The following MACF1 variants were observed in gnomAD, a reference collection of about 807,000 sequenced individuals.
MACF1 encodes the protein microtubule actin crosslinking factor 1, also known as microtubule-actin cross-linking factor 1.
In MACF1, 193 loss-of-function variants were observed where a neutral mutation model predicts 854.8. The observed-to-expected ratio is 0.23, with a 90% CI of 0.20 to 0.25. The LOEUF is 0.25. Ranked by LOEUF, MACF1 falls within the 10% of genes least tolerant of loss-of-function variation. MACF1 has a pLI of 1.00. For missense variants in MACF1, 7,722 were observed against 8,929.1 expected, an observed-to-expected ratio of 0.86 and a Z score of 5.45; for synonymous variants, 3,185 against 3,226.7, an observed-to-expected ratio of 0.99 and a Z score of 0.44.
At chr1:39,261,309 A>G (rs536400778) in intron 6 of MACF1, among the ~76,000 whole-genome samples, 1 of 152,316 alleles carries the variant, frequency 6.6e-6, no homozygotes, top group Admixed American at 6.5e-5. Flanking sequence ...AGGAAAATGC[A>G]TTCATAAAAA....
intron 2 of MACF1, among the ~76,000 whole-genome samples, chr1:39,247,313 C>T (rs907288370): frequency 5.9e-5 from 9 of 151,844 alleles, no homozygotes; most frequent in African/African-American, 9.7e-5. Context: ...CCTCGTGATC[C>T]GCCCGTCTCG....
intron 1 of MACF1, chr1:39,206,812 AT>A (rs1183051070): frequency 6.6e-6 from 1 of 152,180 alleles, no homozygotes; most frequent in Admixed American, 6.5e-5. Flanking sequence ...TTTAAGATGC[AT>A]TTCATTTATT....
chr1:39,451,234 A>G (rs1025260559), intron 85 of MACF1, 23 bp downstream of exon 85: 9 of 1,607,564 alleles, frequency 5.6e-6, no homozygotes, highest in Non-Finnish European at 6.8e-6. Flanking sequence ...TCTGGGCTAC[A>G]TTGGAGTGCA....
intron 2 of MACF1, among the ~76,000 whole-genome samples, chr1:39,166,566 C>T (rs1330817008): frequency 6.6e-6 from 1 of 152,018 alleles, no homozygotes; most frequent in East Asian, 1.9e-4. Flanking sequence ...AAGCGATTCT[C>T]CTGCCTCAGC....
At position 39,349,638 on chromosome 1, in the gene MACF1, A is replaced by C. The variant is rs753285228; in HGVS notation, c.10965+11A>C. 26 of 1,612,712 alleles carry C rather than the reference A, an allele frequency of 1.6e-5. No homozygotes were observed. The Admixed American group carries it at 3.9e-4, about 24-fold the overall frequency. ...CAAAGTGACTTGAAGGTCAGTGTGA[A>C]TCTGTCAATTTTGACACAAAGTCTC... On this transcript the variant is annotated intron_variant, in intron 42 of 100. Transcript: ENST00000564288.
intron 58 of MACF1, chr1:39,410,916 G>A (rs1408156392): frequency 6.2e-7 from 1 of 1,613,896 alleles, no homozygotes; most frequent in Non-Finnish European, 8.5e-7. Context: ...GAGACTGCCA[G>A]GACTTTAGAT....
intron 23 of MACF1, among the ~76,000 whole-genome samples, chr1:39,305,776 C>T (rs1238511101): frequency 1.3e-5 from 2 of 152,166 alleles, no homozygotes; most frequent in Non-Finnish European, 2.9e-5. Context: ...TCCTCTGTTT[C>T]TCACACACAG....
intron 2 of MACF1, among the ~76,000 whole-genome samples, chr1:39,191,861 G>C (rs1644258732): frequency 6.6e-6 from 1 of 152,146 alleles, no homozygotes; most frequent in Admixed American, 6.6e-5. Context: ...TTTAGGATGG[G>C]ACATGTGTTC....
intron 44 of MACF1, among the ~76,000 whole-genome samples, chr1:39,356,529 T>A (rs1396563637): frequency 6.6e-6 from 1 of 152,136 alleles, no homozygotes; most frequent in East Asian, 1.9e-4. Context: ...CTTGCCACCA[T>A]GCCCAGCTAA....
intron 2 of MACF1, among the ~76,000 whole-genome samples, chr1:39,097,099 A>G (rs1452447833): frequency 6.7e-6 from 1 of 150,140 alleles, no homozygotes; most frequent in Non-Finnish European, 1.5e-5. Flanking sequence ...CTGGTCTTGA[A>G]CTCCTGACCT....
At chr1:39,232,822 G>T (rs1231031891) in intron 2 of MACF1, among the ~76,000 whole-genome samples, 2 of 141,476 alleles carry the variant, frequency 1.4e-5, no homozygotes, top group East Asian at 4.2e-4. Flanking sequence ...TTACCCTGTT[G>T]CCCAGGCTGG....
intron 6 of MACF1, among the ~76,000 whole-genome samples, chr1:39,271,866 C>A (rs976383281): frequency 1.3e-4 from 20 of 152,322 alleles, no homozygotes; most frequent in African/African-American, 4.6e-4. Flanking sequence ...GAATGTTCTG[C>A]ATGAGTCTGT....
At chr1:39,096,706 G>A (rs1343129785) in intron 2 of MACF1, among the ~76,000 whole-genome samples, 1 of 151,592 alleles carries the variant, frequency 6.6e-6, no homozygotes. Flanking sequence ...TGGCACAATT[G>A]TAGCTCACTG....
chr1:39,438,059 C>T lies in MACF1; in HGVS notation c.18220+51C>T, dbSNP rs4660747. 9 of 1,510,680 alleles carry T rather than the reference C, an allele frequency of 6.0e-6. No individual in the cohort carries two copies. The East Asian group carries it at 1.9e-4, about 31-fold the overall frequency. The allele number at this position is 1,510,680 out of a possible 1,614,324, so 93.6% of individuals were successfully genotyped here. A position where few individuals can be genotyped will look rare whatever the true frequency, so the allele number is the denominator to read the frequency against. On this transcript the variant is annotated intron_variant, in intron 71 of 100. Coordinates refer to ENST00000564288, the MANE Select transcript of MACF1 (RefSeq NM_001394062.1). ...AAAAATCAACAGAATAAATTCTAGG[C>T]TGTGGTTATCTTCAGCATCCCACCA...
intron 2 of MACF1, among the ~76,000 whole-genome samples, chr1:39,168,374 G>A (rs971073683): frequency 1.3e-5 from 2 of 152,100 alleles, no homozygotes; most frequent in Non-Finnish European, 2.9e-5. Context: ...TGCTTTGTTG[G>A]GTCTTTTTCT....
At chr1:39,145,499 C>A (rs958745086) in intron 2 of MACF1, among the ~76,000 whole-genome samples, 1 of 150,976 alleles carries the variant, frequency 6.6e-6, no homozygotes. Context: ...CTTATCTCTT[C>A]TTCAGACTAA....
rs759921119 is a variant in MACF1 at position 39,353,017 on chromosome 1, C to G, written c.11210C>G (p.Ala3737Gly). The change falls in exon 44 of 101, where the codon GCA becomes GGA. Residue 3737 changes from alanine to glycine, a missense_variant. Ala to Gly is a moderately conservative substitution (Grantham distance 60). This residue lies in a region of MACF1 where 2,807 missense variants were observed against 3,235.8 expected (regional missense o/e 0.87). Transcript: ENST00000564288. ...CTCGGTGGCTTTCAGAGTAAAGCAG[C>G]AAAGGAACTGGCAGAGAACAAGAAG... is the stretch of plus-strand genomic sequence containing the variant. ...LQQETEKSKA[A>G]KELAENKKKI... is the part of the protein sequence containing the mutation. 2.5e-6 allele frequency: 4 copies of G among 1,612,928 alleles called. No homozygotes were observed. The East Asian group carries it at 6.7e-5, about 27-fold the overall frequency.
chr1:39,118,767 G>A (rs961935490), intron 2 of MACF1, among the ~76,000 whole-genome samples: 1 of 152,052 alleles, frequency 6.6e-6, no homozygotes, highest in Admixed American at 6.5e-5. Flanking sequence ...GCAGTATTAA[G>A]GGGGCTAATA....
At chr1:39,122,689 C>T (rs1642747370) in intron 2 of MACF1, among the ~76,000 whole-genome samples, 1 of 152,184 alleles carries the variant, frequency 6.6e-6, no homozygotes, top group African/African-American at 2.4e-5. Context: ...ACCTGTGTTG[C>T]TCAGAGACCT....
Sources: gnomAD v4.1 joint callset for allele counts (sites outside exome capture counted in the v4.1 genomes callset) on GRCh38, gnomAD v4.1.1 for gene constraint, gnomAD v4.1.1 regional missense constraint, MANE v1.5 for transcripts, NCBI Gene and HGNC (gene_info 2026-07-23, HGNC 2026-07-21) for gene names.